The following TANGO6 variants were observed in gnomAD, a reference collection of about 807,000 sequenced individuals.
TANGO6 encodes transport and golgi organization 6 homolog, also known as transport and Golgi organization protein 6 homolog.
A neutral mutation model predicts 114.2 loss-of-function variants in TANGO6; 90 were observed. The ratio of observed to expected loss-of-function variants is 0.79; its 90% confidence interval spans 0.66 to 0.94. TANGO6 has a LOEUF of 0.94. Ranked by LOEUF, TANGO6 falls within the 40% of genes least tolerant of loss-of-function variation. The pLI is 0.00. For synonymous variants in TANGO6, 477 were observed against 509.8 expected (o/e 0.94, Z 0.87); for missense variants, 1,274 against 1,315.3 (o/e 0.97, Z 0.49).
At chr16:69,080,963 C>T (rs1467923480) in intron 17 of TANGO6, among the ~76,000 whole-genome samples, 2 of 151,990 alleles carry the variant, frequency 1.3e-5, no homozygotes, top group East Asian at 3.9e-4. Context: ...ACGGTGAAAC[C>T]CTGTCTCTAC....
chr16:68,920,023 G>T (rs1414883483), intron 12 of TANGO6, among the ~76,000 whole-genome samples: 1 of 152,126 alleles, frequency 6.6e-6, no homozygotes, highest in East Asian at 1.9e-4. Flanking sequence ...CTCCAGCCTG[G>T]GTGACAAGAG....
At chr16:68,936,920 G>A (rs1342246408) in intron 14 of TANGO6, among the ~76,000 whole-genome samples, 1 of 152,100 alleles carries the variant, frequency 6.6e-6, no homozygotes, top group Non-Finnish European at 1.5e-5. Flanking sequence ...AATCACACAA[G>A]CTCTTCCACC....
At chr16:69,010,034 C>G (rs1391305793) in intron 15 of TANGO6, among the ~76,000 whole-genome samples, 8 of 152,174 alleles carry the variant, frequency 5.3e-5, no homozygotes, top group African/African-American at 1.9e-4. Flanking sequence ...TAGAGAAAGA[C>G]TTTCTCTTGC....
At chr16:68,989,601 A>G (rs754097231) in intron 15 of TANGO6, among the ~76,000 whole-genome samples, 71 of 152,242 alleles carry the variant, frequency 4.7e-4, no homozygotes, top group Admixed American at 1.1e-3. Flanking sequence ...GGGTCATTTC[A>G]GTGTTGGCCA....
At chr16:68,978,740 G>A (rs1312411088) in intron 15 of TANGO6, among the ~76,000 whole-genome samples, 2 of 151,530 alleles carry the variant, frequency 1.3e-5, no homozygotes, top group Non-Finnish European at 1.5e-5. Flanking sequence ...GGGAGAATGC[G>A]GCCCACCCGT....
chr16:69,002,877 AC>A (rs747806975), intron 15 of TANGO6, among the ~76,000 whole-genome samples: 16 of 151,962 alleles, frequency 1.1e-4, no homozygotes, highest in Non-Finnish European at 1.9e-4. Context: ...CCCTTTGTCT[AC>A]TAAAAATACA....
At chr16:68,988,718 CAG>C (rs1963920372) in intron 15 of TANGO6, among the ~76,000 whole-genome samples, 1 of 103,942 alleles carries the variant, frequency 9.6e-6, no homozygotes, top group African/African-American at 4.4e-5. Context: ...TTTTTTGAGA[CAG>C]GGTCTCATTT....
At chr16:68,970,045 T>C (rs896747112) in intron 14 of TANGO6, among the ~76,000 whole-genome samples, 3 of 152,242 alleles carry the variant, frequency 2.0e-5, no homozygotes, top group African/African-American at 7.2e-5. Context: ...CAGGATCGAA[T>C]CTCATTCCCT....
intron 12 of TANGO6, among the ~76,000 whole-genome samples, chr16:68,923,598 T>C (rs1467557350): frequency 1.3e-5 from 2 of 152,216 alleles, no homozygotes; most frequent in African/African-American, 2.4e-5. Flanking sequence ...CAAGCTGTTA[T>C]ATAGAACTCC....
At chr16:69,083,099 T>C (rs905603935) in intron 17 of TANGO6, among the ~76,000 whole-genome samples, 40 of 148,204 alleles carry the variant, frequency 2.7e-4, no homozygotes, top group African/African-American at 2.7e-4. Context: ...TATCTTCTTT[T>C]TTTTTTTTTT....
chr16:68,875,023 T>C, intron 4 of TANGO6, 131 bp from the exon 5 acceptor site: 1 of 916,682 alleles, frequency 1.1e-6, no homozygotes, highest in Non-Finnish European at 1.5e-6. Context: ...GATTATCTTA[T>C]AGAAAAAAAT....
chr16:68,871,304 T>G (rs1962264074), intron 4 of TANGO6, among the ~76,000 whole-genome samples: 2 of 152,312 alleles, frequency 1.3e-5, no homozygotes, highest in South Asian at 4.1e-4. Flanking sequence ...ATATACCATT[T>G]TTCCCTCTGA....
At chr16:69,080,004 T>G (rs1318555794) in intron 17 of TANGO6, among the ~76,000 whole-genome samples, 1 of 152,210 alleles carries the variant, frequency 6.6e-6, no homozygotes, top group Admixed American at 6.5e-5. Context: ...GAGAATCACT[T>G]GAGGCCAGGA....
intron 17 of TANGO6, among the ~76,000 whole-genome samples, chr16:69,056,845 A>G (rs1794053591): frequency 6.6e-6 from 1 of 151,726 alleles, no homozygotes; most frequent in African/African-American, 2.4e-5. Flanking sequence ...ACGCCCAACT[A>G]ATTTTTTTGT....
intron 7 of TANGO6, among the ~76,000 whole-genome samples, chr16:68,886,309 C>G (rs1402572145): frequency 6.6e-6 from 1 of 151,278 alleles, no homozygotes; most frequent in Non-Finnish European, 1.5e-5. Flanking sequence ...CCTCTGCCTC[C>G]CAGGTTCAAG....
At position 68,858,660 on chromosome 16, in the gene TANGO6, G is replaced by C. The variant is rs373310373; in HGVS notation, c.95-1224G>C. On this transcript the variant is annotated intron_variant, in intron 1 of 17. Transcript: ENST00000261778. ...CACACTTGGCTATTTTTTTTTTAATGTTTTTAGAGACGGGCTCTCCCTACA... is the reference window on the plus strand; with the variant it reads ...CACACTTGGCTATTTTTTTTTTAATCTTTTTAGAGACGGGCTCTCCCTACA... Among the ~76,000 whole-genome samples the C allele has an allele frequency of 2.4e-4, 36 of 151,502 alleles. No individual in the cohort carries two copies. In the East Asian group the frequency reaches 7.0e-3, roughly 30 times the overall value.
chr16:68,982,354 T>C (rs898449220), intron 15 of TANGO6, among the ~76,000 whole-genome samples: 1 of 152,052 alleles, frequency 6.6e-6, no homozygotes, highest in Non-Finnish European at 1.5e-5. Context: ...ACCTTTTTTT[T>C]AGACAGAGTC....
At chr16:68,877,479 A>G (rs1391401020) in intron 5 of TANGO6, among the ~76,000 whole-genome samples, 1 of 151,906 alleles carries the variant, frequency 6.6e-6, no homozygotes, top group Non-Finnish European at 1.5e-5. Flanking sequence ...AAAAAAAAAA[A>G]AAAAGGAAAA....
Position 68,980,383 on chromosome 16 carries a change from T to TCTCTCTCTCTC in TANGO6, c.2842+6215_2842+6216insCTCTCTCTCTC, listed in dbSNP as rs1555526453. 4.4e-3 allele frequency among the ~76,000 whole-genome samples: 162 copies of TCTCTCTCTCTC among 36,704 alleles called. 5 individuals are homozygous for TCTCTCTCTCTC. The highest frequency in any genetic ancestry group is 0.015 in the Middle Eastern group (1 of 66). 24.1% of individuals were successfully genotyped at this position (36,704 alleles called of 152,430 possible). ...TGAGTATGAATCTATCTGTCTGTCA[T>TCTCTCTCTCTC]TCTCTCTCTCTCTCTCTCTCTCTCT... On this transcript the variant is annotated intron_variant, in intron 15 of 17. Coordinates refer to ENST00000261778, the MANE Select transcript of TANGO6 (RefSeq NM_024562.2).
Sources: gnomAD v4.1 joint callset for allele counts (sites outside exome capture counted in the v4.1 genomes callset) on GRCh38, gnomAD v4.1.1 for gene constraint, MANE v1.5 for transcripts, NCBI Gene and HGNC (gene_info 2026-07-23, HGNC 2026-07-21) for gene names.